Variants in CDC34 observed in about 807,000 individuals in gnomAD.
The protein encoded by CDC34 is ubiquitin-conjugating enzyme E2 R1.
A neutral mutation model predicts 26.8 loss-of-function variants in CDC34; 18 were observed. The observed-to-expected ratio is 0.67, with a 90% CI of 0.47 to 1.00. The LOEUF is 1.00. Ranked by LOEUF, CDC34 falls within the 50% of genes least tolerant of loss-of-function variation. The pLI is 0.00. For synonymous variants in CDC34, 178 were observed against 147.5 expected, an observed-to-expected ratio of 1.21 and a Z score of -1.50; for missense variants, 280 against 334.5, an observed-to-expected ratio of 0.84 and a Z score of 1.27.
chr19:540,742 C>CT (rs1568332310), intron 4 of CDC34, among the ~76,000 whole-genome samples: 7 of 69,348 alleles, frequency 1.0e-4, no homozygotes, highest in Non-Finnish European at 2.4e-4. Context: ...GTTTAGAATC[C>CT]GGAGGCTGGG....
chr19:538,994 C>G (rs2288953), intron 4 of CDC34: 1 of 984,594 alleles, frequency 1.0e-6, no homozygotes, highest in Admixed American at 6.2e-5. Flanking sequence ...TCCTTGAGAT[C>G]CCAGCACAGA....
chr19:535,914 C>T lies in CDC34; in HGVS notation c.255C>T (p.Asn85=). The T allele has an allele frequency of 2.5e-6, 4 of 1,613,694 alleles. No homozygotes were observed. Among genetic ancestry groups the T allele is most frequent in the Non-Finnish European group, 3.4e-6 (4 of 1,179,836 alleles). Residue 85 remains asparagine (N), a synonymous_variant, in exon 2 of 5, where the codon AAC becomes AAT. Coordinates refer to ENST00000215574, the MANE Select transcript of CDC34 (RefSeq NM_004359.2). The part of the protein sequence containing the change: ...FRFLTKMWHP[N]IYETGDVCIS... ...TCCTGACCAAGATGTGGCACCCTAA[C>T]ATCTACGAGGTGAGCGCGGCCCCCA... is the stretch of plus-strand genomic sequence containing the variant.
In CDC34 at chr19:541,292, C is replaced by G. The variant is rs377164965; in HGVS notation, c.498-47C>G. The G allele has an allele frequency of 5.6e-5, 83 of 1,481,684 alleles. No individual in the cohort carries two copies. The South Asian group carries it at 1.0e-3, about 18-fold the overall frequency. 91.8% of individuals were successfully genotyped at this position (1,481,684 alleles called of 1,614,324 possible). A position where few individuals can be genotyped will look rare whatever the true frequency, so the allele number is the denominator to read the frequency against. On this transcript the variant is annotated intron_variant, in intron 4 of 4. Coordinates refer to ENST00000215574, the MANE Select transcript of CDC34 (RefSeq NM_004359.2). ...TGGGGGAGGGGGGCCGGGCAGGGGCCGAGTCCAGGCACGTGGGTGGCGCCC... is the reference window on the plus strand; with the variant it reads ...TGGGGGAGGGGGGCCGGGCAGGGGCGGAGTCCAGGCACGTGGGTGGCGCCC...
intron 4 of CDC34, chr19:539,096 T>C: frequency 4.8e-6 from 4 of 838,448 alleles, no homozygotes; most frequent in Non-Finnish European, 5.8e-6. Flanking sequence ...CGTTTCTGCC[T>C]GTTTTTTCAT....
At chr19:536,967 G>T (rs1317844416) in intron 3 of CDC34, 46 bp from the exon 4 acceptor site, 4 of 1,611,406 alleles carry the variant, frequency 2.5e-6, no homozygotes, top group Non-Finnish European at 3.4e-6. Flanking sequence ...GAGCCGGAAG[G>T]CTGGGGTGCC....
At chr19:535,631 C>T (rs1335684806) in intron 1 of CDC34, among the ~76,000 whole-genome samples, 1 of 152,218 alleles carries the variant, frequency 6.6e-6, no homozygotes, top group African/African-American at 2.4e-5. Flanking sequence ...CTGGGATCAG[C>T]TCGGGTGACT....
At chr19:537,454 G>A (rs981290327) in intron 4 of CDC34, among the ~76,000 whole-genome samples, 7 of 152,062 alleles carry the variant, frequency 4.6e-5, no homozygotes, top group Non-Finnish European at 1.5e-5. Flanking sequence ...CCGGGTTCAC[G>A]CCATTCTCCT....
intron 1 of CDC34, among the ~76,000 whole-genome samples, chr19:532,317 C>T (rs1979530896): frequency 1.3e-5 from 2 of 152,240 alleles, no homozygotes. Context: ...TCAGCCTCTG[C>T]TGCAGTCCTC....
chr19:541,649 C>A lies in CDC34; in HGVS notation c.*97C>A. 7.4e-7 allele frequency: 1 copy of A among 1,352,694 alleles called. No homozygotes were observed. The highest frequency in any genetic ancestry group is 9.9e-7 in the Non-Finnish European group (1 of 1,011,700). The allele number at this position is 1,352,694 out of a possible 1,614,324, so 83.8% of individuals were successfully genotyped here. The stretch of plus-strand genomic sequence containing the variant: ...CTCACGGAGGTTTTGTGCTGGTCCC[C>A]GTCTCCTCTGGTTGTTTCGTTTTGG... On this transcript the variant is annotated 3_prime_UTR_variant, in exon 5 of 5. Coordinates refer to ENST00000215574, the MANE Select transcript of CDC34 (RefSeq NM_004359.2).
At chr19:532,359 C>T (rs984999992) in intron 1 of CDC34, among the ~76,000 whole-genome samples, 1 of 152,218 alleles carries the variant, frequency 6.6e-6, no homozygotes, top group Non-Finnish European at 1.5e-5. Context: ...AGGCATCGTC[C>T]GGTCCCCTGT....
At chr19:536,794 C>T in intron 3 of CDC34, 1 of 597,210 alleles carries the variant, frequency 1.7e-6, no homozygotes. Context: ...GAGGGGTCTG[C>T]ACCTTGCTGC....
chr19:541,246 C>G, intron 4 of CDC34, 93 bp from the exon 5 acceptor site: 1 of 1,423,506 alleles, frequency 7.0e-7, no homozygotes, highest in South Asian at 1.5e-5. Context: ...GAAACCTGAG[C>G]GTTGGGGTGA....
chr19:532,211 C>T (rs1307921798), intron 1 of CDC34, 103 bp downstream of exon 1: 3 of 928,410 alleles, frequency 3.2e-6, no homozygotes, highest in Non-Finnish European at 4.6e-6. Flanking sequence ...GCTGGGCGGG[C>T]CCCGAAGCCT....
chr19:536,574 G>T (rs1389642154), intron 3 of CDC34: 1 of 580,678 alleles, frequency 1.7e-6, no homozygotes, highest in East Asian at 2.9e-5. Context: ...CCCCAGGCCG[G>T]CCCCACCGTC....
At chr19:538,097 GGGGTCGTGCTGTGTGTGCCC>G in intron 4 of CDC34, among the ~76,000 whole-genome samples, 1 of 152,114 alleles carries the variant, frequency 6.6e-6, no homozygotes, top group African/African-American at 2.4e-5. Context: ...ATGAAGAAAT[GGGGTCGTGCTGTGTGTGCCC>G]AGTGACTGAC....
Position 537,124 on chromosome 19 carries a change from T to C in CDC34, c.474T>C (p.Asp158=), listed in dbSNP as rs1979792327. Residue 158 remains aspartate, a synonymous_variant, in exon 4 of 5, where the codon GAT becomes GAC. Transcript: ENST00000215574. ...AGTGGAAAGAGAGCAAGGGGAAGGATCGGGAGTACACAGACATCATCCGGT... is the reference window on the plus strand; with the variant it reads ...AGTGGAAAGAGAGCAAGGGGAAGGACCGGGAGTACACAGACATCATCCGGT... ...YRKWKESKGK[D]REYTDIIRKQ... The C allele has an allele frequency of 6.2e-7, 1 of 1,613,504 alleles. No individual in the cohort carries two copies. The highest frequency in any genetic ancestry group is 8.5e-7 in the Non-Finnish European group (1 of 1,179,920).
chr19:536,033 T>C, intron 2 of CDC34, 110 bp downstream of exon 2: 1 of 1,209,932 alleles, frequency 8.3e-7, no homozygotes, highest in Non-Finnish European at 1.2e-6. Flanking sequence ...CCTCACGTCC[T>C]CGTCCTCCGG....
intron 1 of CDC34, among the ~76,000 whole-genome samples, chr19:535,608 G>T (rs1225959981): frequency 1.3e-5 from 2 of 152,244 alleles, no homozygotes; most frequent in Non-Finnish European, 2.9e-5. Context: ...CGGCCACCTG[G>T]ACTGTGTAGG....
chr19:538,804 G>T, intron 4 of CDC34: 1 of 985,218 alleles, frequency 1.0e-6, no homozygotes, highest in Non-Finnish European at 1.2e-6. Context: ...GGCGGGCCCC[G>T]TGCGGCCTCC....
Sources: allele counts gnomAD v4.1 joint callset (sites outside exome capture counted in the v4.1 genomes callset), GRCh38; gene constraint gnomAD v4.1.1; transcripts MANE v1.5; gene names NCBI Gene and HGNC (gene_info 2026-07-23, HGNC 2026-07-21).